The following ELL2 variants were observed in gnomAD, a reference collection of about 807,000 sequenced individuals.
ELL2 encodes RNA polymerase II elongation factor ELL2.
In ELL2, 21 loss-of-function variants were observed where a neutral mutation model predicts 72.8. The ratio of observed to expected loss-of-function variants is 0.29; its 90% CI spans 0.20 to 0.42. The LOEUF (loss-of-function observed/expected upper bound fraction) is 0.42. Among genes scored for constraint, ELL2 ranks in the 10% least tolerant of loss-of-function variants. ELL2 has a pLI of 1.00. For synonymous variants in ELL2, 266 were observed against 283.2 expected (o/e 0.94, Z 0.61); for missense variants, 568 against 772.8 (o/e 0.73, Z 3.14).
chr5:95,893,686 C>T (rs1309319819), intron 9 of ELL2, among the ~76,000 whole-genome samples: 6 of 152,066 alleles, frequency 3.9e-5, no homozygotes, highest in South Asian at 2.1e-4. Context: ...CGCCCGGCCT[C>T]GATCATTTAG....
chr5:95,960,791 TTG>T (rs1751807483), intron 1 of ELL2, among the ~76,000 whole-genome samples: 1 of 152,168 alleles, frequency 6.6e-6, no homozygotes, highest in East Asian at 1.9e-4. Flanking sequence ...CTGTGTTGGT[TTG>T]TGTCCGTCCT....
chr5:95,901,154 G>C, intron 5 of ELL2, 74 bp from the exon 6 acceptor site: 1 of 1,453,450 alleles, frequency 6.9e-7, no homozygotes, highest in Non-Finnish European at 9.2e-7. Flanking sequence ...GCAACCTTTA[G>C]GATTTACACT....
intron 2 of ELL2, among the ~76,000 whole-genome samples, chr5:95,936,509 G>A (rs940814103): frequency 1.4e-4 from 21 of 152,218 alleles, no homozygotes; most frequent in Admixed American, 6.5e-5. Flanking sequence ...GTGGGGCTGG[G>A]TGGTAGATCA....
intron 4 of ELL2, among the ~76,000 whole-genome samples, chr5:95,911,283 A>C (rs1561496544): frequency 6.6e-6 from 1 of 152,120 alleles, no homozygotes; most frequent in Non-Finnish European, 1.5e-5. Flanking sequence ...AAAACAGAAA[A>C]CAAAAAAGCC....
At position 95,937,003 on chromosome 5, in the gene ELL2, C is replaced by T. The variant is rs375098774; in HGVS notation, c.195+5999G>A. On this transcript the variant is annotated intron_variant, in intron 2 of 11. Transcript: ENST00000237853. ...GTCTATCATGGTGCCTGGTACACAT[C>T]GCGCACTGACAAATATTTGCTAAGT... Among the ~76,000 whole-genome samples the T allele has an allele frequency of 2.1e-4, 32 of 152,300 alleles. 1 individual carries two copies. The East Asian group carries it at 4.4e-3, about 21-fold the overall frequency.
At chr5:95,905,882 A>G (rs1749338856) in intron 5 of ELL2, among the ~76,000 whole-genome samples, 1 of 152,184 alleles carries the variant, frequency 6.6e-6, no homozygotes, top group Non-Finnish European at 1.5e-5. Context: ...GATGGACAGA[A>G]GGAAGGAAGA....
At chr5:95,915,573 T>C (rs1380954437) in intron 3 of ELL2, among the ~76,000 whole-genome samples, 1 of 152,210 alleles carries the variant, frequency 6.6e-6, no homozygotes, top group African/African-American at 2.4e-5. Context: ...GGTCCCTCTT[T>C]CAAGGAACTA....
At chr5:95,898,848 A>C in intron 7 of ELL2, 38 bp from the exon 8 acceptor site, 1 of 1,446,734 alleles carries the variant, frequency 6.9e-7, no homozygotes, top group Non-Finnish European at 9.2e-7. Flanking sequence ...GCCAGTTTGC[A>C]CTAAAATTAA....
chr5:95,927,563 GTA>G (rs370902396), intron 2 of ELL2, among the ~76,000 whole-genome samples: 2 of 24,876 alleles, frequency 8.0e-5, no homozygotes, highest in Non-Finnish European at 1.3e-4. Context: ...ACACACGTGT[GTA>G]TATAGACATA....
chr5:95,916,750 A>G (rs887606137), intron 3 of ELL2, among the ~76,000 whole-genome samples: 12 of 60,498 alleles, frequency 2.0e-4, no homozygotes, highest in African/African-American at 1.8e-3. Flanking sequence ...TGCCAAAGGA[A>G]AAAAAAAAAA....
At chr5:95,925,664 G>C in intron 2 of ELL2, among the ~76,000 whole-genome samples, 1 of 152,174 alleles carries the variant, frequency 6.6e-6, no homozygotes, top group East Asian at 1.9e-4. Flanking sequence ...CAGCATTTCT[G>C]AAGCATGCTG....
chr5:95,952,373 T>C (rs1751447986), intron 1 of ELL2, among the ~76,000 whole-genome samples: 1 of 152,018 alleles, frequency 6.6e-6, no homozygotes, highest in Non-Finnish European at 1.5e-5. Flanking sequence ...ATTACCTGGG[T>C]GATGAAATAA....
At chr5:95,954,445 C>T (rs1438963169) in intron 1 of ELL2, among the ~76,000 whole-genome samples, 2 of 142,452 alleles carry the variant, frequency 1.4e-5, no homozygotes, top group East Asian at 2.0e-4. Context: ...CTTGCTCTGT[C>T]GCCCAGGCTG....
intron 5 of ELL2, among the ~76,000 whole-genome samples, chr5:95,904,783 T>C (rs573628506): frequency 2.0e-5 from 3 of 151,356 alleles, no homozygotes; most frequent in Admixed American, 1.3e-4. Context: ...CAAAGTCATT[T>C]TATTTTTTTT....
At chr5:95,908,046 C>A (rs752058168) in intron 4 of ELL2, among the ~76,000 whole-genome samples, 12 of 152,198 alleles carry the variant, frequency 7.9e-5, no homozygotes, top group Non-Finnish European at 1.6e-4. Context: ...TGTTTCTTTA[C>A]TATCTGTACA....
At chr5:95,925,111 G>A (rs991231385) in intron 2 of ELL2, among the ~76,000 whole-genome samples, 1 of 152,120 alleles carries the variant, frequency 6.6e-6, no homozygotes, top group African/African-American at 2.4e-5. Context: ...ACCAGCAAGG[G>A]TTTTCTTCAT....
intron 9 of ELL2, among the ~76,000 whole-genome samples, chr5:95,892,629 G>C (rs930144730): frequency 1.3e-5 from 2 of 152,084 alleles, no homozygotes; most frequent in South Asian, 4.2e-4. Flanking sequence ...ATGCCCCTTG[G>C]GGGTACACAT....
At chr5:95,914,452 T>G (rs868782220) in intron 3 of ELL2, among the ~76,000 whole-genome samples, 2 of 152,204 alleles carry the variant, frequency 1.3e-5, no homozygotes, top group African/African-American at 4.8e-5. Flanking sequence ...TCCAAAAAGT[T>G]CCTAAAAATT....
At chr5:95,919,668 C>A in intron 2 of ELL2, 123 bp from the exon 3 acceptor site, 4 of 1,144,104 alleles carry the variant, frequency 3.5e-6, no homozygotes, top group Non-Finnish European at 3.6e-6. Context: ...TTGATATATA[C>A]ATCCTCGCAG....
Sources: gnomAD v4.1 joint callset for allele counts (sites outside exome capture counted in the v4.1 genomes callset) on GRCh38, gnomAD v4.1.1 for gene constraint, MANE v1.5 for transcripts, NCBI Gene and HGNC (gene_info 2026-07-23, HGNC 2026-07-21) for gene names.